Variants in NRP1 observed in about 807,000 individuals in gnomAD.
NRP1 encodes neuropilin 1.
Under a neutral mutation model 106.7 loss-of-function variants are expected in NRP1, and 35 were observed. That is an observed-to-expected ratio of 0.33 (90% confidence interval 0.25 to 0.43). The LOEUF is 0.43. Among genes scored for constraint, NRP1 ranks in the 20% least tolerant of loss-of-function variants. NRP1 has a pLI of 1.00. For synonymous variants in NRP1, 437 were observed against 417.9 expected (o/e 1.05, Z -0.56); for missense variants, 1,024 against 1,170.4 (o/e 0.87, Z 1.83).
intron 3 of NRP1, among the ~76,000 whole-genome samples, chr10:33,268,976 G>A (rs540052947): frequency 2.0e-5 from 3 of 152,280 alleles, no homozygotes; most frequent in East Asian, 1.9e-4. Flanking sequence ...TTGTCGCAAC[G>A]TTTCCTGGAT....
At chr10:33,243,296 A>C (rs761619528) in intron 6 of NRP1, among the ~76,000 whole-genome samples, 9 of 152,206 alleles carry the variant, frequency 5.9e-5, no homozygotes, top group Non-Finnish European at 1.0e-4. Context: ...AGTGTTTAAG[A>C]CAAATTCCAG....
At chr10:33,226,899 G>A (rs1839718135) in intron 6 of NRP1, among the ~76,000 whole-genome samples, 1 of 152,126 alleles carries the variant, frequency 6.6e-6, no homozygotes, top group Non-Finnish European at 1.5e-5. Context: ...GATGTCTCAT[G>A]TCTCCCTGAA....
chr10:33,241,006 G>C (rs1288692535), intron 6 of NRP1, among the ~76,000 whole-genome samples: 1 of 152,172 alleles, frequency 6.6e-6, no homozygotes, highest in Non-Finnish European at 1.5e-5. Context: ...TGTTTTTGAA[G>C]CTCACATTAA....
At chr10:33,275,658 G>A (rs540756761) in intron 2 of NRP1, among the ~76,000 whole-genome samples, 5 of 151,702 alleles carry the variant, frequency 3.3e-5, no homozygotes, top group Non-Finnish European at 7.4e-5. Flanking sequence ...AGTGCTTTGG[G>A]AGGCTGAGGC....
At chr10:33,186,088 T>C in intron 14 of NRP1, 129 bp downstream of exon 14, 1 of 1,206,928 alleles carries the variant, frequency 8.3e-7, no homozygotes, top group Non-Finnish European at 1.1e-6. Context: ...ATTGCAGCAA[T>C]ATCTCAGGGT....
chr10:33,290,391 T>C (rs1194052879), intron 2 of NRP1, among the ~76,000 whole-genome samples: 1 of 147,882 alleles, frequency 6.8e-6, no homozygotes, highest in Non-Finnish European at 1.5e-5. Context: ...CACCAAGGCA[T>C]GAGGGGATGA....
At chr10:33,230,405 A>G (rs1840015466) in intron 6 of NRP1, among the ~76,000 whole-genome samples, 1 of 152,204 alleles carries the variant, frequency 6.6e-6, no homozygotes, top group Non-Finnish European at 1.5e-5. Flanking sequence ...CAACAGATGC[A>G]AGAAGAATTC....
intron 2 of NRP1, among the ~76,000 whole-genome samples, chr10:33,319,248 C>T (rs1847274036): frequency 6.6e-6 from 1 of 151,952 alleles, no homozygotes; most frequent in Admixed American, 6.5e-5. Context: ...CCTCGTGATC[C>T]GCCCGCCTCA....
At position 33,192,462 on chromosome 10, in the gene NRP1, G is replaced by A. The variant is rs780240437; in HGVS notation, c.1925-44C>T. ...AAAAATAAGAGACAAGCAAAGAAAG[G>A]CAAATTTGATCATTTAGGGTCACAA... is the stretch of plus-strand genomic sequence containing the variant. On this transcript the variant is annotated intron_variant, in intron 12 of 16. Coordinates refer to ENST00000374867, the MANE Select transcript of NRP1 (RefSeq NM_003873.7). 2.5e-6 allele frequency: 4 copies of A among 1,605,802 alleles called. No individual in the cohort carries two copies. The Admixed American group carries it at 6.7e-5, about 27-fold the overall frequency.
At position 33,180,179 on chromosome 10, in the gene NRP1, T is replaced by C; in HGVS notation, c.2669A>G (p.Glu890Gly). 6.2e-7 allele frequency: 1 copy of C among 1,614,148 alleles called. No individual in the cohort carries two copies. Among genetic ancestry groups the C allele is most frequent in the South Asian group, 1.1e-5 (1 of 91,078 alleles). The change falls in exon 17 of 17, where the codon GAA becomes GGA. Residue 890 changes from glutamate to glycine, a missense_variant. Glu to Gly is a moderately conservative substitution (Grantham distance 98). This residue lies in a region of NRP1 where 164 missense variants were observed against 161.4 expected (regional missense o/e 1.02). Coordinates refer to ENST00000374867, the MANE Select transcript of NRP1 (RefSeq NM_003873.7). ...YCACWHNGMS[E>G]RNLSALENYN... ...GTTCTCCAGGGCAGACAAGTTTCTT[T>C]CTGACATCCCATTATGCCAACAGGC...
intron 2 of NRP1, among the ~76,000 whole-genome samples, chr10:33,294,607 A>G (rs950652587): frequency 1.5e-5 from 2 of 136,562 alleles, no homozygotes; most frequent in Non-Finnish European, 3.2e-5. Context: ...ACAAGAGTGA[A>G]ACTCCGTCTC....
At chr10:33,217,653 AT>A (rs985553404) in intron 8 of NRP1, among the ~76,000 whole-genome samples, 5 of 152,210 alleles carry the variant, frequency 3.3e-5, no homozygotes, top group African/African-American at 1.2e-4. Flanking sequence ...ATAATGAATA[AT>A]TTTTTAGTAC....
intron 6 of NRP1, among the ~76,000 whole-genome samples, chr10:33,250,091 A>C (rs1426310996): frequency 6.6e-6 from 1 of 152,218 alleles, no homozygotes; most frequent in Admixed American, 6.5e-5. Flanking sequence ...AAAAAGCTGA[A>C]AAAGAAAACA....
chr10:33,330,747 T>C lies in NRP1; in HGVS notation c.209A>G (p.Asn70Ser), dbSNP rs1848223018. 1 of 1,613,446 alleles carries C rather than the reference T, an allele frequency of 6.2e-7. No homozygotes were observed. Among genetic ancestry groups the C allele is most frequent in the Admixed American group, 1.7e-5 (1 of 59,906 alleles). Residue 70 changes from asparagine to serine, a missense_variant, in exon 2 of 17, where the codon AAC becomes AGC. This residue lies in a region of NRP1 where 279 missense variants were observed against 327.4 expected (regional missense o/e 0.85). Coordinates refer to ENST00000374867, the MANE Select transcript of NRP1 (RefSeq NM_003873.7). ...CTCCAAATCGAAGTGAGGGTTGAAG[T>C]TGATCATAATTCTCTGGTATGGGTC... Reference protein sequence around the residue: ...APDPYQRIMINFNPHFDLEDR... With the variant: ...APDPYQRIMISFNPHFDLEDR...
At chr10:33,202,362 A>T in intron 11 of NRP1, 1 of 298,820 alleles carries the variant, frequency 3.3e-6, no homozygotes. Flanking sequence ...GTCGGTGGTG[A>T]TGTGAAATAG....
intron 4 of NRP1, 80 bp from the exon 5 acceptor site, chr10:33,256,551 G>A (rs1842210908): frequency 6.7e-7 from 1 of 1,484,288 alleles, no homozygotes; most frequent in Admixed American, 1.8e-5. Flanking sequence ...TACAAAGATG[G>A]GCCCCAGTAG....
chr10:33,258,744 A>G (rs1320523020), intron 4 of NRP1, among the ~76,000 whole-genome samples: 2 of 152,120 alleles, frequency 1.3e-5, no homozygotes, highest in African/African-American at 4.8e-5. Flanking sequence ...CCTAGTAGTA[A>G]TGCAACACTT....
intron 6 of NRP1, among the ~76,000 whole-genome samples, chr10:33,235,671 G>A (rs1292244820): frequency 3.9e-5 from 6 of 152,014 alleles, no homozygotes; most frequent in Non-Finnish European, 5.9e-5. Flanking sequence ...TGATAAACCC[G>A]TAAAAATCTG....
intron 16 of NRP1, among the ~76,000 whole-genome samples, chr10:33,181,073 T>G (rs1835655674): frequency 6.6e-6 from 1 of 152,260 alleles, no homozygotes; most frequent in South Asian, 2.1e-4. Context: ...ACAGTTGCAC[T>G]GCTCTGCAGC....
Sources: allele counts gnomAD v4.1 joint callset (sites outside exome capture counted in the v4.1 genomes callset), GRCh38; gene constraint gnomAD v4.1.1; regional missense constraint gnomAD v4.1.1; transcripts MANE v1.5; gene names NCBI Gene and HGNC (gene_info 2026-07-23, HGNC 2026-07-21).